Variants in BCAS4 observed in about 807,000 individuals in gnomAD.
The protein encoded by BCAS4 is breast carcinoma-amplified sequence 4.
BCAS4 carries 9 observed loss-of-function variants against 15.7 expected under a neutral mutation model. The ratio of observed to expected loss-of-function variants is 0.57; its 90% confidence interval spans 0.34 to 1.00. The LOEUF is 1.00. Among genes scored for constraint, BCAS4 ranks in the 50% least tolerant of loss-of-function variants. The probability of loss-of-function intolerance (pLI) is 0.02; values close to 1 mark genes in which losing one functional copy is unlikely to be tolerated. For synonymous variants in BCAS4, 101 were observed against 99.5 expected, an observed-to-expected ratio of 1.02 and a Z score of -0.09; for missense variants, 225 against 239.1, an observed-to-expected ratio of 0.94 and a Z score of 0.39.
Position 50,841,761 on chromosome 20 carries a change from C to T in BCAS4, c.265-5C>T, listed in dbSNP as rs201941810. On this transcript the variant is annotated splice_region_variant and splice_polypyrimidine_tract_variant and intron_variant, in intron 3 of 4. Coordinates refer to ENST00000371608, the MANE Select transcript of BCAS4 (RefSeq NM_198799.4). ...GCGGCATCATGGCTTCTCCGTGTCC[C>T]TCAGGCCTTCGTCAAGATGGTTGGA... 6.2e-7 allele frequency: 1 copy of T among 1,613,978 alleles called. No individual in the cohort carries two copies. Among genetic ancestry groups the T allele is most frequent in the East Asian group, 2.2e-5 (1 of 44,878 alleles).
At chr20:50,796,284 G>A (rs555167255) in intron 1 of BCAS4, among the ~76,000 whole-genome samples, 9 of 146,206 alleles carry the variant, frequency 6.2e-5, no homozygotes, top group African/African-American at 2.3e-4. Flanking sequence ...CAGGAGGATC[G>A]CTTGAACCTG....
At chr20:50,806,064 T>C (rs761034) in intron 1 of BCAS4, among the ~76,000 whole-genome samples, 20,780 of 152,090 alleles carry the variant, frequency 0.14, 1,510 homozygotes, top group South Asian at 0.16. Flanking sequence ...ATTTATTACC[T>C]GCATGGCTTC....
In BCAS4 at chr20:50,841,853, G is replaced by T. The variant is rs773306389; in HGVS notation, c.352G>T (p.Ala118Ser). 124 of 1,609,630 alleles carry T rather than the reference G, an allele frequency of 7.7e-5. 1 individual carries two copies. Among genetic ancestry groups the T allele is most frequent in the Non-Finnish European group, 1.0e-4 (120 of 1,177,450 alleles). ...GCGGGACCATGGGGCCTTCCCTCAG[G>T]CCCTGCGGAGGTGGCTGGGATCCGC... The part of the protein sequence containing the change: ...AERDHGAFPQ[A>S]LRRWLGSAGL... The change falls in exon 4 of 5, where the codon GCC (alanine) becomes TCC (serine). Residue 118 changes from alanine (A) to serine (S), a missense_variant. Coordinates refer to ENST00000371608, the MANE Select transcript of BCAS4 (RefSeq NM_198799.4).
intron 4 of BCAS4, among the ~76,000 whole-genome samples, chr20:50,852,750 C>T (rs1227794328): frequency 2.0e-5 from 3 of 152,210 alleles, no homozygotes; most frequent in African/African-American, 7.2e-5. Flanking sequence ...GAAAACAGGT[C>T]TGAGAGGCTT....
chr20:50,842,782 AGGCCACG>A (rs2088501243), intron 4 of BCAS4, among the ~76,000 whole-genome samples: 2 of 152,302 alleles, frequency 1.3e-5, no homozygotes, highest in South Asian at 4.1e-4. Flanking sequence ...GACTTGTCTG[AGGCCACG>A]GGCCTGGAGC....
At chr20:50,831,935 A>G (rs1053267855) in intron 3 of BCAS4, among the ~76,000 whole-genome samples, 1 of 152,218 alleles carries the variant, frequency 6.6e-6, no homozygotes, top group African/African-American at 2.4e-5. Context: ...ATATAATTAA[A>G]ACTTTGCCCT....
chr20:50,806,267 C>T (rs1329720834), intron 1 of BCAS4, among the ~76,000 whole-genome samples: 1 of 152,168 alleles, frequency 6.6e-6, no homozygotes, highest in African/African-American at 2.4e-5. Context: ...GCAGTTGAGA[C>T]CACACAGCAT....
chr20:50,815,072 A>G (rs1024612796), intron 1 of BCAS4, among the ~76,000 whole-genome samples: 5 of 152,200 alleles, frequency 3.3e-5, no homozygotes, highest in Non-Finnish European at 5.9e-5. Flanking sequence ...TAACCTCCTG[A>G]CCATTCTGCC....
intron 4 of BCAS4, among the ~76,000 whole-genome samples, chr20:50,871,134 G>T (rs1476772124): frequency 6.6e-6 from 1 of 152,222 alleles, no homozygotes; most frequent in Non-Finnish European, 1.5e-5. Context: ...AAACCCCAGG[G>T]TTTGAGTTTG....
chr20:50,795,305 G>A, intron 1 of BCAS4, 132 bp downstream of exon 1: 1 of 826,140 alleles, frequency 1.2e-6, no homozygotes, highest in Admixed American at 4.2e-5. Context: ...CCTTCCTGAA[G>A]GGTGGCTGCG....
Position 50,795,099 on chromosome 20 carries a change from G to A in BCAS4, c.16G>A (p.Ala6Thr). 3.3e-6 allele frequency: 5 copies of A among 1,504,186 alleles called. No homozygotes were observed. The highest frequency in any genetic ancestry group is 4.4e-6 in the Non-Finnish European group (5 of 1,127,598). The allele number at this position is 1,504,186 out of a possible 1,614,324, so 93.2% of individuals were successfully genotyped here. Reference sequence around the variant, plus strand: ...CGCCCTCCTGATGCTGCTCGTGGACGCTGATCAGCCGGAGCCCATGCGCAG... The same window carrying A: ...CGCCCTCCTGATGCTGCTCGTGGACACTGATCAGCCGGAGCCCATGCGCAG... MLLVD[A>T]DQPEPMRSGA... Residue 6 changes from alanine (A) to threonine (T), a missense_variant, in exon 1 of 5, where the codon GCT becomes ACT. By Grantham distance (58) the Ala-to-Thr change is moderately conservative. Coordinates refer to ENST00000371608, the MANE Select transcript of BCAS4 (RefSeq NM_198799.4).
chr20:50,861,087 G>A (rs1024447249), intron 4 of BCAS4, among the ~76,000 whole-genome samples: 40 of 152,114 alleles, frequency 2.6e-4, no homozygotes, highest in African/African-American at 9.6e-4. Context: ...ATTTGAGCGT[G>A]GAGTTCAGCA....
intron 3 of BCAS4, among the ~76,000 whole-genome samples, chr20:50,836,930 A>G (rs934241384): frequency 3.3e-5 from 5 of 151,914 alleles, no homozygotes; most frequent in African/African-American, 9.7e-5. Context: ...GCTTATCTTG[A>G]ACTCCTGGGT....
chr20:50,826,573 A>G (rs1285460815), intron 2 of BCAS4, among the ~76,000 whole-genome samples: 1 of 152,222 alleles, frequency 6.6e-6, no homozygotes, highest in East Asian at 1.9e-4. Context: ...TTTTTTAAAT[A>G]CATTTTTAAT....
intron 1 of BCAS4, among the ~76,000 whole-genome samples, chr20:50,798,444 C>CT (rs1206620955): frequency 6.6e-6 from 1 of 152,118 alleles, no homozygotes; most frequent in Non-Finnish European, 1.5e-5. Context: ...GAGGCCAAGA[C>CT]TGGAGGATCA....
chr20:50,812,629 G>T (rs557587242), intron 1 of BCAS4, among the ~76,000 whole-genome samples: 11 of 151,538 alleles, frequency 7.3e-5, no homozygotes, highest in Admixed American at 5.9e-4. Context: ...TAGTAGAGAG[G>T]GGGTTTCACC....
chr20:50,817,606 C>T lies in BCAS4; in HGVS notation c.91-605C>T, dbSNP rs1266384903. Among the ~76,000 whole-genome samples the T allele has an allele frequency of 2.0e-5, 3 of 152,058 alleles. No individual in the cohort carries two copies. The East Asian group carries it at 5.8e-4, about 29-fold the overall frequency. ...GCCTCGGAGTAGCTGTGACTACAGGCACACGCCACCATGCCCGGCTAATTT... is the reference window on the plus strand; with the variant it reads ...GCCTCGGAGTAGCTGTGACTACAGGTACACGCCACCATGCCCGGCTAATTT... On this transcript the variant is annotated intron_variant, in intron 1 of 4. Transcript: ENST00000371608.
intron 4 of BCAS4, among the ~76,000 whole-genome samples, chr20:50,875,321 C>T (rs543546775): frequency 9.8e-5 from 15 of 152,308 alleles, no homozygotes; most frequent in Admixed American, 9.1e-4. Flanking sequence ...GTGAGCGGCT[C>T]GATGGGAAAT....
intron 2 of BCAS4, 105 bp from the exon 3 acceptor site, chr20:50,830,174 C>T (rs770040487): frequency 1.1e-4 from 93 of 884,616 alleles, no homozygotes; most frequent in Non-Finnish European, 1.6e-4. Context: ...CACCTGGCAC[C>T]TCAGCCATCA....
Sources: allele counts gnomAD v4.1 joint callset (sites outside exome capture counted in the v4.1 genomes callset), GRCh38; gene constraint gnomAD v4.1.1; transcripts MANE v1.5; gene names NCBI Gene and HGNC (gene_info 2026-07-23, HGNC 2026-07-21).